CCDC158: variants seen among roughly 807,000 people sequenced by gnomAD.
CCDC158 encodes the protein coiled-coil domain containing 158, also known as coiled-coil domain-containing protein 158.
CCDC158 carries 116 observed loss-of-function variants against 138.6 expected under a neutral mutation model. The observed-to-expected ratio is 0.84, with a 90% CI of 0.72 to 0.98. The LOEUF is 0.98. Among genes scored for constraint, CCDC158 ranks in the 50% least tolerant of loss-of-function variants. The pLI is 0.00. For missense variants in CCDC158, 1,265 were observed against 1,306.1 expected (o/e 0.97, Z 0.48); for synonymous variants, 436 against 442.4 (o/e 0.99, Z 0.18).
At chr4:76,391,718 A>G (rs1331274027) in intron 4 of CCDC158, among the ~76,000 whole-genome samples, 1 of 152,018 alleles carries the variant, frequency 6.6e-6, no homozygotes, top group African/African-American at 2.4e-5. Context: ...CAAAAGATCA[A>G]TGAAACAGAA....
intron 3 of CCDC158, among the ~76,000 whole-genome samples, chr4:76,400,306 A>C (rs1560474994): frequency 6.6e-6 from 1 of 151,402 alleles, no homozygotes; most frequent in Admixed American, 6.6e-5. Flanking sequence ...TCGCAAGGAC[A>C]GAAAACCAAA....
At position 76,326,026 on chromosome 4, in the gene CCDC158, G is replaced by A; in HGVS notation, c.3011-11C>T. The A allele has an allele frequency of 6.2e-7, 1 of 1,603,412 alleles. No individual in the cohort carries two copies. Among genetic ancestry groups the A allele is most frequent in the East Asian group, 2.2e-5 (1 of 44,710 alleles). On this transcript the variant is annotated splice_polypyrimidine_tract_variant and intron_variant, in intron 22 of 24. Coordinates refer to ENST00000682701, the MANE Select transcript of CCDC158 (RefSeq NM_001394954.1). ...TCACAGATGGACTTGCTAAAAGTTT[G>A]CAAGAATAAAAGTAAAAGGACAGAA...
chr4:76,336,568 G>A (rs1721530776), intron 18 of CCDC158, among the ~76,000 whole-genome samples: 1 of 152,164 alleles, frequency 6.6e-6, no homozygotes, highest in African/African-American at 2.4e-5. Context: ...AAGGAAGGCA[G>A]TTTAATTTTT....
chr4:76,390,882 C>T (rs1314868817), intron 4 of CCDC158, among the ~76,000 whole-genome samples: 5 of 151,840 alleles, frequency 3.3e-5, no homozygotes, highest in African/African-American at 1.2e-4. Context: ...TAAGAAGAGA[C>T]AAAGAAGTCA....
At chr4:76,344,833 G>C in intron 18 of CCDC158, 2 of 1,597,402 alleles carry the variant, frequency 1.3e-6, no homozygotes, top group South Asian at 1.1e-5. Context: ...CCGGGAGAGG[G>C]TGAAGGGTCT....
At chr4:76,334,597 C>T (rs1344654691) in intron 18 of CCDC158, among the ~76,000 whole-genome samples, 1 of 152,132 alleles carries the variant, frequency 6.6e-6, no homozygotes, top group African/African-American at 2.4e-5. Context: ...TTAATCTACT[C>T]CCCACATCTT....
At chr4:76,406,406 AG>A (rs1336799607) in intron 2 of CCDC158, among the ~76,000 whole-genome samples, 1 of 152,230 alleles carries the variant, frequency 6.6e-6, no homozygotes, top group Non-Finnish European at 1.5e-5. Context: ...AGTATGAGAC[AG>A]GCCAAGTGGA....
intron 9 of CCDC158, chr4:76,375,372 T>G (rs1409016715): frequency 1.4e-5 from 6 of 444,192 alleles, no homozygotes; most frequent in East Asian, 3.3e-5. Flanking sequence ...GGTGGTGGTG[T>G]TTTCTGTTTT....
chr4:76,415,562 T>G (rs1427671604), intron 1 of CCDC158, among the ~76,000 whole-genome samples: 5 of 152,070 alleles, frequency 3.3e-5, no homozygotes, highest in Non-Finnish European at 7.4e-5. Flanking sequence ...TAGATATAGA[T>G]CTTAGATATG....
intron 18 of CCDC158, among the ~76,000 whole-genome samples, chr4:76,337,338 C>T (rs899976667): frequency 2.0e-5 from 3 of 152,088 alleles, no homozygotes; most frequent in African/African-American, 7.2e-5. Context: ...GTTTGCATAG[C>T]TTATAATGGT....
At chr4:76,315,904 T>A (rs1378872041) in intron 24 of CCDC158, among the ~76,000 whole-genome samples, 1 of 152,116 alleles carries the variant, frequency 6.6e-6, no homozygotes, top group Non-Finnish European at 1.5e-5. Context: ...GGAAGGCCCA[T>A]CCCTTGGGGG....
intron 22 of CCDC158, among the ~76,000 whole-genome samples, chr4:76,326,343 A>G (rs1720529514): frequency 6.6e-6 from 1 of 152,236 alleles, no homozygotes; most frequent in Non-Finnish European, 1.5e-5. Context: ...CATTCATAGC[A>G]TGAAATCATC....
At chr4:76,386,745 A>T (rs2109788663) in intron 4 of CCDC158, among the ~76,000 whole-genome samples, 1 of 152,312 alleles carries the variant, frequency 6.6e-6, no homozygotes, top group South Asian at 2.1e-4. Flanking sequence ...ACCATCCCCC[A>T]GCAGTGGCTG....
intron 24 of CCDC158, among the ~76,000 whole-genome samples, chr4:76,322,403 A>G (rs1273249039): frequency 6.6e-6 from 1 of 152,198 alleles, no homozygotes; most frequent in African/African-American, 2.4e-5. Context: ...TCATTTTCAA[A>G]TGCTGTAATA....
intron 9 of CCDC158, 70 bp downstream of exon 9, chr4:76,379,220 C>T: frequency 1.3e-6 from 1 of 774,320 alleles, no homozygotes; most frequent in Non-Finnish European, 2.0e-6. Flanking sequence ...TTCAAATAAA[C>T]TATTACTAAT....
In CCDC158 at chr4:76,342,188, T is replaced by C. The variant is rs141709904; in HGVS notation, c.2665-8021A>G. 2.5e-3 allele frequency among the ~76,000 whole-genome samples: 378 copies of C among 152,076 alleles called. 1 individual carries two copies. The highest frequency in any genetic ancestry group is 8.7e-3 in the African/African-American group (360 of 41,436). On this transcript the variant is annotated intron_variant, in intron 18 of 24. Transcript: ENST00000682701. Reference sequence around the variant, plus strand: ...CCTCCTGACTAGGACTACAAGCAAATGCCAACATGTCTGAATAATTTTTTT... The same window carrying C: ...CCTCCTGACTAGGACTACAAGCAAACGCCAACATGTCTGAATAATTTTTTT...
chr4:76,386,633 C>T (rs1015842904), intron 4 of CCDC158, among the ~76,000 whole-genome samples: 2 of 152,178 alleles, frequency 1.3e-5, no homozygotes, highest in African/African-American at 2.4e-5. Context: ...ACCTGGACAC[C>T]CTCCACCATT....
At chr4:76,366,175 T>C (rs1724637469) in intron 12 of CCDC158, among the ~76,000 whole-genome samples, 1 of 152,218 alleles carries the variant, frequency 6.6e-6, no homozygotes, top group South Asian at 2.1e-4. Flanking sequence ...ATCACACCTG[T>C]TCTAAGGGTT....
intron 2 of CCDC158, among the ~76,000 whole-genome samples, chr4:76,411,838 C>T (rs1729321535): frequency 6.6e-6 from 1 of 152,176 alleles, no homozygotes; most frequent in African/African-American, 2.4e-5. Context: ...ACACACCCTC[C>T]TCTCTGCCCC....
Sources: allele counts gnomAD v4.1 joint callset (sites outside exome capture counted in the v4.1 genomes callset), GRCh38; gene constraint gnomAD v4.1.1; transcripts MANE v1.5; gene names NCBI Gene and HGNC (gene_info 2026-07-23, HGNC 2026-07-21).